Variants in GALNT9 observed in about 807,000 individuals in gnomAD.
GALNT9 encodes polypeptide N-acetylgalactosaminyltransferase 9.
Under a neutral mutation model 63.1 loss-of-function variants are expected in GALNT9, and 47 were observed. The observed-to-expected ratio is 0.75, with a 90% confidence interval of 0.59 to 0.95. The LOEUF is 0.95. Ranked by LOEUF, GALNT9 falls within the 40% of genes least tolerant of loss-of-function variation. The pLI, the probability that GALNT9 is intolerant of heterozygous loss-of-function variation, is 0.00. For missense variants in GALNT9, 829 were observed against 874.8 expected, an observed-to-expected ratio of 0.95 and a Z score of 0.66; for synonymous variants, 396 against 365.7, an observed-to-expected ratio of 1.08 and a Z score of -0.94.
intron 7 of GALNT9, among the ~76,000 whole-genome samples, chr12:132,201,732 G>A (rs898235803): frequency 8.5e-5 from 13 of 152,106 alleles, no homozygotes; most frequent in South Asian, 6.2e-4. Context: ...CATGGGTGCC[G>A]GAGAATCAAG....
chr12:132,278,714 C>T (rs1880211465), intron 2 of GALNT9: 1 of 152,288 alleles, frequency 6.6e-6, no homozygotes. Flanking sequence ...CTGCCAGCAC[C>T]AAAGGGTGTT....
rs1230337080 is a variant in GALNT9, at chr12:132,291,324, A to G, written c.239-4894T>C. On this transcript the variant is annotated intron_variant, in intron 1 of 10. Transcript: ENST00000328957. ...TAGCACCCACATCCACAGCACCCAC[A>G]TCCACAGCACCCACAACCACAGCAC... Among the ~76,000 whole-genome samples the G allele has an allele frequency of 7.7e-4, 51 of 65,852 alleles. 1 individual carries two copies. Among genetic ancestry groups the G allele is most frequent in the Non-Finnish European group, 7.8e-4 (30 of 38,274 alleles). The allele number at this position is 65,852 out of a possible 152,430, so 43.2% of individuals were successfully genotyped here.
Position 132,197,156 on chromosome 12 carries a change from G to C in GALNT9, c.1763C>G (p.Ser588Trp). Residue 588 changes from serine (S) to tryptophan (W), a missense_variant, in exon 11 of 11, where the codon TCG becomes TGG. Transcript: ENST00000328957. ...FGLRLVVQRC[S>W]GQKWMIRNWI... is the part of the protein sequence containing the mutation. Reference sequence around the variant, plus strand: ...GTTTCTGATCATCCACTTCTGCCCCGAGCACCTCTGTACCACCAGCCGGAG... The same window carrying C: ...GTTTCTGATCATCCACTTCTGCCCCCAGCACCTCTGTACCACCAGCCGGAG... The C allele has an allele frequency of 6.2e-7, 1 of 1,614,106 alleles. No homozygotes were observed. Among genetic ancestry groups the C allele is most frequent in the Non-Finnish European group, 8.5e-7 (1 of 1,180,016 alleles).
intron 2 of GALNT9, among the ~76,000 whole-genome samples, chr12:132,267,817 T>TCACACAGACA (rs781940616): frequency 4.8e-5 from 3 of 62,700 alleles, no homozygotes; most frequent in African/African-American, 2.1e-4. Flanking sequence ...ACACACGCAC[T>TCACACAGACA]CACACATGCA....
intron 5 of GALNT9, among the ~76,000 whole-genome samples, chr12:132,257,313 C>T (rs1188703186): frequency 2.6e-5 from 4 of 152,178 alleles, no homozygotes; most frequent in Admixed American, 2.6e-4. Context: ...GTGATACAGA[C>T]AAGCTCTGTG....
At chr12:132,243,289 C>A (rs1162320516) in intron 6 of GALNT9, among the ~76,000 whole-genome samples, 3 of 143,282 alleles carry the variant, frequency 2.1e-5, no homozygotes, top group Non-Finnish European at 4.4e-5. Context: ...CACACACTTC[C>A]CGGGGCCCTC....
chr12:132,240,375 G>T lies in GALNT9; in HGVS notation c.1077+7535C>A, dbSNP rs1050813758. ...GAGACCCCACTGTACACCCCATGCTGGCCAGGTGGCTGGTGAAAGGGACCC... is the reference window on the plus strand; with the variant it reads ...GAGACCCCACTGTACACCCCATGCTTGCCAGGTGGCTGGTGAAAGGGACCC... On this transcript the variant is annotated intron_variant, in intron 6 of 10. Coordinates refer to ENST00000328957, the MANE Select transcript of GALNT9 (RefSeq NM_001122636.2). 8.5e-6 allele frequency: 3 copies of T among 351,934 alleles called. No individual in the cohort carries two copies. In the Admixed American group the frequency reaches 1.1e-4, roughly 13 times the overall value. The allele number at this position is 351,934 out of a possible 1,614,324, so 21.8% of individuals were successfully genotyped here.
intron 1 of GALNT9, among the ~76,000 whole-genome samples, chr12:132,295,663 C>A (rs1881029066): frequency 6.6e-6 from 1 of 152,234 alleles, no homozygotes; most frequent in African/African-American, 2.4e-5. Flanking sequence ...GAAGGATCCT[C>A]CCCTGGAGAC....
At chr12:132,311,889 CTCTT>C (rs1298010278) in intron 1 of GALNT9, among the ~76,000 whole-genome samples, 12 of 152,244 alleles carry the variant, frequency 7.9e-5, no homozygotes, top group African/African-American at 2.4e-4. Flanking sequence ...CCTTGCCCCT[CTCTT>C]TATTTCCACT....
intron 1 of GALNT9, among the ~76,000 whole-genome samples, chr12:132,304,432 C>A (rs1555244302): frequency 1.8e-5 from 1 of 54,664 alleles, no homozygotes. Context: ...CGGGCACAGC[C>A]TCGCCCGGGC....
chr12:132,320,862 C>T (rs566332101), intron 1 of GALNT9, among the ~76,000 whole-genome samples: 5 of 152,310 alleles, frequency 3.3e-5, no homozygotes, highest in South Asian at 2.1e-4. Flanking sequence ...CAGGGCCCCC[C>T]GAGGCTGTTG....
intron 2 of GALNT9, among the ~76,000 whole-genome samples, chr12:132,268,918 G>T (rs1036450924): frequency 6.6e-6 from 1 of 152,238 alleles, no homozygotes. Context: ...GAACGCCCAC[G>T]TGTGGCGGGT....
intron 6 of GALNT9, among the ~76,000 whole-genome samples, chr12:132,216,839 G>A (rs570784966): frequency 2.6e-5 from 4 of 152,360 alleles, no homozygotes; most frequent in African/African-American, 7.2e-5. Context: ...GCGTTTCTGG[G>A]CTTTTCGCCC....
chr12:132,322,864 A>G (rs1593126607), intron 1 of GALNT9, among the ~76,000 whole-genome samples: 1 of 151,962 alleles, frequency 6.6e-6, no homozygotes, highest in African/African-American at 2.4e-5. Context: ...TAGAGGGGGG[A>G]CTGTCAGACT....
At chr12:132,219,620 A>T (rs1365004663) in intron 6 of GALNT9, among the ~76,000 whole-genome samples, 1 of 152,194 alleles carries the variant, frequency 6.6e-6, no homozygotes, top group East Asian at 1.9e-4. Flanking sequence ...CTGCCGCCAG[A>T]AGTGTCCCAT....
rs537442958 is a variant in GALNT9, at chr12:132,268,034, C to T, written c.420-5409G>A. On this transcript the variant is annotated intron_variant, in intron 2 of 10. Coordinates refer to ENST00000328957, the MANE Select transcript of GALNT9 (RefSeq NM_001122636.2). ...AGATACACACGAACACACATGAACA[C>T]ACATGCACACAAACCCACATGTGGT... Among the ~76,000 whole-genome samples, 3 of 151,552 alleles carry T rather than the reference C, an allele frequency of 2.0e-5. No individual in the cohort carries two copies. The East Asian group carries it at 5.9e-4, about 30-fold the overall frequency.
chr12:132,253,698 G>A (rs28560170), intron 5 of GALNT9, among the ~76,000 whole-genome samples: 2 of 151,978 alleles, frequency 1.3e-5, no homozygotes, highest in Non-Finnish European at 2.9e-5. Flanking sequence ...TCTTGCCTCG[G>A]CACCTAGGTA....
intron 4 of GALNT9, among the ~76,000 whole-genome samples, chr12:132,258,688 G>A (rs1310978507): frequency 2.6e-5 from 4 of 152,214 alleles, no homozygotes; most frequent in South Asian, 2.1e-4. Flanking sequence ...AATGGGGGGC[G>A]AGGAGGGCAG....
rs554553479 is a variant in GALNT9 at position 132,322,397 on chromosome 12, G to A, written c.238+6569C>T. Among the ~76,000 whole-genome samples, 46 of 152,366 alleles carry A rather than the reference G, an allele frequency of 3.0e-4. 1 individual carries two copies. The highest frequency in any genetic ancestry group is 3.4e-3 in the Middle Eastern group (1 of 294). On this transcript the variant is annotated intron_variant, in intron 1 of 10. Coordinates refer to ENST00000328957, the MANE Select transcript of GALNT9 (RefSeq NM_001122636.2). ...GCTCACGAATTCGCCAGGAAGGAAC[G>A]GACATGCGGCACATGAGGTGGTGCC...
Sources: gnomAD v4.1 joint callset for allele counts (sites outside exome capture counted in the v4.1 genomes callset) on GRCh38, gnomAD v4.1.1 for gene constraint, MANE v1.5 for transcripts, NCBI Gene and HGNC (gene_info 2026-07-23, HGNC 2026-07-21) for gene names.